PTPRT: variants seen among roughly 807,000 people sequenced by gnomAD.
PTPRT encodes protein tyrosine phosphatase receptor type T, also known as receptor-type tyrosine-protein phosphatase T.
A neutral mutation model predicts 176.8 loss-of-function variants in PTPRT; 56 were observed. That is an observed-to-expected ratio of 0.32 (90% CI 0.26 to 0.40). The LOEUF is 0.40. Among genes scored for constraint, PTPRT ranks in the 10% least tolerant of loss-of-function variants. The probability of loss-of-function intolerance (pLI) is 1.00; values close to 1 mark genes in which losing one functional copy is unlikely to be tolerated. For synonymous variants in PTPRT, 783 were observed against 739.0 expected (o/e 1.06, Z -0.96); for missense variants, 1,540 against 1,908.2 (o/e 0.81, Z 3.60).
chr20:42,696,455 A>ATGATTTTTTTATT (rs141605241), intron 6 of PTPRT, among the ~76,000 whole-genome samples: 1 of 147,024 alleles, frequency 6.8e-6, no homozygotes, highest in East Asian at 2.0e-4. Context: ...AGCCACATGA[A>ATGATTTTTTTATT]TTATTTTTTT....
intron 7 of PTPRT, among the ~76,000 whole-genome samples, chr20:42,573,002 C>T (rs1490948607): frequency 2.0e-5 from 3 of 150,164 alleles, no homozygotes; most frequent in East Asian, 2.0e-4. Flanking sequence ...AAAATATAAG[C>T]TCCATAAGAG....
chr20:42,371,730 C>T (rs552478831), intron 9 of PTPRT, among the ~76,000 whole-genome samples: 133 of 152,294 alleles, frequency 8.7e-4, no homozygotes, highest in African/African-American at 3.0e-3. Flanking sequence ...GAGCCCAGTC[C>T]CTGGTTCAAG....
chr20:42,732,197 A>T (rs1193345961), intron 6 of PTPRT, among the ~76,000 whole-genome samples: 1 of 152,216 alleles, frequency 6.6e-6, no homozygotes, highest in African/African-American at 2.4e-5. Flanking sequence ...TTCCTCAGCC[A>T]TGATAACCAC....
At chr20:42,853,644 G>T (rs1010849974) in intron 2 of PTPRT, among the ~76,000 whole-genome samples, 2 of 152,270 alleles carry the variant, frequency 1.3e-5, no homozygotes, top group Non-Finnish European at 2.9e-5. Flanking sequence ...GCCCACATTG[G>T]TAGACTTCTT....
At chr20:42,582,528 G>A (rs1388872304) in intron 7 of PTPRT, among the ~76,000 whole-genome samples, 3 of 152,102 alleles carry the variant, frequency 2.0e-5, no homozygotes, top group Non-Finnish European at 4.4e-5. Flanking sequence ...ATTAGCCTAG[G>A]GGCCACTATC....
intron 27 of PTPRT, among the ~76,000 whole-genome samples, chr20:42,088,249 G>A (rs1485412342): frequency 6.6e-6 from 1 of 152,192 alleles, no homozygotes; most frequent in Non-Finnish European, 1.5e-5. Flanking sequence ...GCTTCTGAGA[G>A]CAGTTTGGGA....
chr20:42,224,732 T>C (rs2055965735), intron 15 of PTPRT, among the ~76,000 whole-genome samples: 1 of 152,204 alleles, frequency 6.6e-6, no homozygotes, highest in Non-Finnish European at 1.5e-5. Flanking sequence ...AGACTGTGGC[T>C]TGGGGTCTTC....
At chr20:43,173,434 G>C (rs1465090243) in intron 1 of PTPRT, among the ~76,000 whole-genome samples, 2 of 152,186 alleles carry the variant, frequency 1.3e-5, no homozygotes, top group Admixed American at 6.5e-5. Context: ...TTCAACACCT[G>C]ATGCATCCTA....
chr20:42,913,970 T>C (rs554036441), intron 1 of PTPRT, among the ~76,000 whole-genome samples: 18 of 152,366 alleles, frequency 1.2e-4, no homozygotes, highest in African/African-American at 4.3e-4. Context: ...TTCCCTAATG[T>C]TGAATTTTCC....
At chr20:42,186,587 G>A (rs1380963033) in intron 16 of PTPRT, among the ~76,000 whole-genome samples, 5 of 152,052 alleles carry the variant, frequency 3.3e-5, no homozygotes, top group Non-Finnish European at 7.4e-5. Flanking sequence ...AGGTCAGAAG[G>A]ACAAGACCTG....
intron 26 of PTPRT, among the ~76,000 whole-genome samples, chr20:42,099,840 C>T (rs1243846329): frequency 2.6e-5 from 4 of 151,986 alleles, no homozygotes; most frequent in African/African-American, 9.7e-5. Context: ...CTTCCGAGGG[C>T]CTTTTCCTGG....
chr20:42,164,362 G>A (rs190381463), intron 16 of PTPRT, among the ~76,000 whole-genome samples: 3 of 152,310 alleles, frequency 2.0e-5, no homozygotes, highest in African/African-American at 7.2e-5. Context: ...TAGACAGACT[G>A]TAAACTTGGT....
intron 9 of PTPRT, among the ~76,000 whole-genome samples, chr20:42,376,589 C>G (rs911576845): frequency 1.3e-5 from 2 of 152,210 alleles, no homozygotes; most frequent in African/African-American, 2.4e-5. Flanking sequence ...CTCACCCTTT[C>G]CATGGCCCCT....
chr20:43,082,122 T>G (rs997199325), intron 1 of PTPRT, among the ~76,000 whole-genome samples: 2 of 152,190 alleles, frequency 1.3e-5, no homozygotes, highest in Non-Finnish European at 2.9e-5. Context: ...CCCTTTATTT[T>G]CAACCTGTGT....
At chr20:42,932,499 A>G (rs1979924817) in intron 1 of PTPRT, among the ~76,000 whole-genome samples, 1 of 152,210 alleles carries the variant, frequency 6.6e-6, no homozygotes, top group South Asian at 2.1e-4. Flanking sequence ...CTGAGAAGCA[A>G]GGTGGAGGGG....
chr20:42,763,790 G>T (rs1046617626), intron 5 of PTPRT, among the ~76,000 whole-genome samples: 2 of 152,120 alleles, frequency 1.3e-5, no homozygotes, highest in African/African-American at 4.8e-5. Flanking sequence ...AATCATTTTT[G>T]ATTAGCTGTG....
chr20:42,456,204 T>C (rs2070921425), intron 8 of PTPRT, among the ~76,000 whole-genome samples: 1 of 152,010 alleles, frequency 6.6e-6, no homozygotes, highest in Non-Finnish European at 1.5e-5. Flanking sequence ...ACATACTTGT[T>C]AGGTTAATAG....
chr20:43,000,652 T>G (rs1028567907), intron 1 of PTPRT, among the ~76,000 whole-genome samples: 1 of 151,964 alleles, frequency 6.6e-6, no homozygotes, highest in Non-Finnish European at 1.5e-5. Context: ...AACTTGAGAT[T>G]ATCAAATAGA....
intron 12 of PTPRT, among the ~76,000 whole-genome samples, chr20:42,315,103 G>A (rs1336218732): frequency 4.4e-5 from 3 of 68,656 alleles, no homozygotes; most frequent in East Asian, 2.3e-4. Flanking sequence ...GCGTGAACCC[G>A]GGAAGCGGAG....
Sources: gnomAD v4.1 joint callset for allele counts (sites outside exome capture counted in the v4.1 genomes callset) on GRCh38, gnomAD v4.1.1 for gene constraint, MANE v1.5 for transcripts, NCBI Gene and HGNC (gene_info 2026-07-23, HGNC 2026-07-21) for gene names.